Variants in ALG9 observed in about 807,000 individuals in gnomAD.
ALG9 encodes alpha-1,2-mannosyltransferase ALG9.
A neutral mutation model predicts 81.8 loss-of-function variants in ALG9; 55 were observed. The ratio of observed to expected loss-of-function variants is 0.67; its 90% confidence interval spans 0.54 to 0.84. The LOEUF is 0.84. Among genes scored for constraint, ALG9 ranks in the 40% least tolerant of loss-of-function variants. ALG9 has a pLI of 0.00. For missense variants in ALG9, 629 were observed against 745.0 expected, an observed-to-expected ratio of 0.84 and a Z score of 1.81; for synonymous variants, 278 against 274.3, an observed-to-expected ratio of 1.01 and a Z score of -0.13.
At chr11:111,836,577 C>A in intron 12 of ALG9, 1 of 398,396 alleles carries the variant, frequency 2.5e-6, no homozygotes, top group Non-Finnish European at 4.8e-6. Context: ...AGTGCCAATG[C>A]TTATTGTCAA....
downstream of ALG9, among the ~76,000 whole-genome samples, chr11:111,779,571 A>G (rs1033134921): frequency 1.3e-4 from 19 of 151,638 alleles, no homozygotes; most frequent in Admixed American, 2.0e-4. Context: ...GGCTGATTTC[A>G]AACTCCTGGA....
intron 3 of ALG9, among the ~76,000 whole-genome samples, chr11:111,866,497 A>G (rs1962510880): frequency 6.6e-6 from 1 of 152,080 alleles, no homozygotes; most frequent in African/African-American, 2.4e-5. Context: ...TCTCTACTCA[A>G]CGTTATGATG....
At chr11:111,859,011 G>C (rs1959151909) in intron 5 of ALG9, among the ~76,000 whole-genome samples, 1 of 152,158 alleles carries the variant, frequency 6.6e-6, no homozygotes. Flanking sequence ...TTTGAGACCA[G>C]CCTGGGCAAC....
At chr11:111,804,808 A>C (rs185918848) in intron 14 of ALG9, among the ~76,000 whole-genome samples, 1 of 152,308 alleles carries the variant, frequency 6.6e-6, no homozygotes, top group Admixed American at 6.5e-5. Context: ...GATAATCCCA[A>C]ATGGCTGCAA....
intron 14 of ALG9, among the ~76,000 whole-genome samples, chr11:111,802,407 G>A (rs1426672565): frequency 3.3e-5 from 5 of 152,152 alleles, no homozygotes; most frequent in Non-Finnish European, 5.9e-5. Flanking sequence ...CTCAAAAACA[G>A]GCTGAGTGAA....
At chr11:111,773,345 A>G in the ALG9 span, among the ~76,000 whole-genome samples, 2 of 152,036 alleles carry the variant, frequency 1.3e-5, no homozygotes, top group African/African-American at 4.8e-5. Context: ...CCCGGGTCCA[A>G]GTGATTCTTC....
the ALG9 span, among the ~76,000 whole-genome samples, chr11:111,772,450 T>G: frequency 6.6e-6 from 1 of 152,132 alleles, no homozygotes; most frequent in African/African-American, 2.4e-5. Context: ...TCAGTTACCT[T>G]TCACAATAGT....
intron 14 of ALG9, chr11:111,798,172 T>A (rs1212041311): frequency 3.4e-6 from 1 of 295,418 alleles, no homozygotes; most frequent in African/African-American, 2.3e-5. Flanking sequence ...CACTGCACTC[T>A]AGCCTGGGCA....
In ALG9 at chr11:111,842,177, G is replaced by A. The variant is rs782666287; in HGVS notation, c.1019-1368C>T. ...CTCTCAAAGTGCTGGGATTACAGGC[G>A]TGAGCCACTGTGCCTGGCCTAAGGT... On this transcript the variant is annotated intron_variant, in intron 9 of 14. Transcript: ENST00000616540. Among the ~76,000 whole-genome samples, 6 of 152,124 alleles carry A rather than the reference G, an allele frequency of 3.9e-5. No homozygotes were observed. In the East Asian group the frequency reaches 5.8e-4, roughly 15 times the overall value.
intron 8 of ALG9, chr11:111,845,031 G>T: frequency 3.4e-6 from 1 of 295,378 alleles, no homozygotes; most frequent in Non-Finnish European, 6.6e-6. Flanking sequence ...CTTTTGAGAA[G>T]CACCAAATAA....
At chr11:111,770,457 C>G in the ALG9 span, among the ~76,000 whole-genome samples, 78 of 152,200 alleles carry the variant, frequency 5.1e-4, no homozygotes, top group African/African-American at 1.8e-3. Flanking sequence ...AATCTATAGG[C>G]TGTGGGTTTT....
chr11:111,815,342 C>T (rs1316540139), intron 13 of ALG9, among the ~76,000 whole-genome samples: 1 of 151,910 alleles, frequency 6.6e-6, no homozygotes, highest in African/African-American at 2.4e-5. Flanking sequence ...GAGTTCGAGG[C>T]TACAGTGAGC....
intron 13 of ALG9, among the ~76,000 whole-genome samples, chr11:111,811,605 T>C (rs575985880): frequency 8.0e-5 from 12 of 150,476 alleles, no homozygotes; most frequent in Non-Finnish European, 1.3e-4. Flanking sequence ...GATAGATTCA[T>C]GTGGTATATC....
chr11:111,809,267 G>A (rs907532352), intron 14 of ALG9, among the ~76,000 whole-genome samples: 6 of 152,190 alleles, frequency 3.9e-5, no homozygotes, highest in Non-Finnish European at 7.3e-5. Context: ...GGTGACTCAT[G>A]CCTGTAATCC....
chr11:111,798,140 T>C (rs1314465547), intron 14 of ALG9: 3 of 221,010 alleles, frequency 1.4e-5, no homozygotes, highest in South Asian at 4.5e-5. Context: ...GAGGTGGAGG[T>C]TGCAGTGAAC....
At chr11:111,846,224 G>T (rs528261304) in intron 8 of ALG9, among the ~76,000 whole-genome samples, 2 of 152,172 alleles carry the variant, frequency 1.3e-5, no homozygotes, top group Admixed American at 1.3e-4. Flanking sequence ...CCACCAGTGC[G>T]GAAGCAGGGC....
downstream of ALG9, among the ~76,000 whole-genome samples, chr11:111,779,343 G>A (rs1229809878): frequency 6.6e-6 from 1 of 152,086 alleles, no homozygotes; most frequent in African/African-American, 2.4e-5. Flanking sequence ...TTGTGCGAGA[G>A]TGAAGGTCAA....
At chr11:111,868,560 T>G in intron 3 of ALG9, 42 bp downstream of exon 3, 3 of 1,603,764 alleles carry the variant, frequency 1.9e-6, no homozygotes, top group Non-Finnish European at 2.6e-6. Flanking sequence ...GAGACTCACC[T>G]CTTGATCAAT....
intron 8 of ALG9, among the ~76,000 whole-genome samples, chr11:111,846,686 AAC>A (rs1956996444): frequency 6.6e-6 from 1 of 152,230 alleles, no homozygotes; most frequent in African/African-American, 2.4e-5. Context: ...TTCAAGTGTC[AAC>A]AGTCTTAAAA....
Sources: allele counts gnomAD v4.1 joint callset (sites outside exome capture counted in the v4.1 genomes callset), GRCh38; gene constraint gnomAD v4.1.1; transcripts MANE v1.5; gene names NCBI Gene and HGNC (gene_info 2026-07-23, HGNC 2026-07-21).